The following TCF12 variants were observed in gnomAD, a reference collection of about 807,000 sequenced individuals.
TCF12 encodes the protein transcription factor 12.
In TCF12, 45 loss-of-function variants were observed where a neutral mutation model predicts 86.0. The ratio of observed to expected loss-of-function variants is 0.52; its 90% confidence interval spans 0.41 to 0.67. The LOEUF (loss-of-function observed/expected upper bound fraction) is 0.67. TCF12 is among the 30% of genes least tolerant of loss of function. TCF12 has a pLI of 0.00. For synonymous variants in TCF12, 330 were observed against 299.6 expected (o/e 1.10, Z -1.05); for missense variants, 881 against 859.9 (o/e 1.02, Z -0.31).
chr15:57,197,281 C>T (rs901767897), intron 7 of TCF12, among the ~76,000 whole-genome samples: 3 of 150,958 alleles, frequency 2.0e-5, no homozygotes, highest in Admixed American at 6.6e-5. Context: ...CTCAACCTCC[C>T]GAGTCGCTGG....
At chr15:57,233,166 A>T (rs1232083304) in intron 11 of TCF12, among the ~76,000 whole-genome samples, 1 of 150,902 alleles carries the variant, frequency 6.6e-6, no homozygotes, top group Non-Finnish European at 1.5e-5. Flanking sequence ...GTGTGTGTAT[A>T]TATATGTATG....
intron 16 of TCF12, among the ~76,000 whole-genome samples, chr15:57,254,258 C>T (rs1354353382): frequency 6.6e-6 from 1 of 152,090 alleles, no homozygotes; most frequent in African/African-American, 2.4e-5. Flanking sequence ...TAAAAACTTA[C>T]CTATCATCAA....
intron 19 of TCF12, chr15:57,281,727 C>T (rs2061700339): frequency 6.6e-6 from 1 of 152,380 alleles, no homozygotes; most frequent in Admixed American, 6.5e-5. Flanking sequence ...TCATTCTGTC[C>T]CATCACCCCC....
chr15:57,136,995 T>C (rs2447324), intron 5 of TCF12, among the ~76,000 whole-genome samples: 1 of 103,912 alleles, frequency 9.6e-6, no homozygotes, highest in Non-Finnish European at 1.8e-5. Flanking sequence ...TTTTTTTTTT[T>C]TTGAGACGGA....
At chr15:57,248,670 TCAG>T (rs1423033126) in intron 13 of TCF12, among the ~76,000 whole-genome samples, 11 of 152,236 alleles carry the variant, frequency 7.2e-5, no homozygotes, top group African/African-American at 2.4e-4. Flanking sequence ...TTACCTGACT[TCAG>T]CATGCTTTAA....
chr15:56,981,936 G>A (rs146332248), intron 3 of TCF12, among the ~76,000 whole-genome samples: 10 of 152,060 alleles, frequency 6.6e-5, no homozygotes, highest in African/African-American at 2.4e-4. Flanking sequence ...AGGTGGAAGG[G>A]GCAGAAGAGG....
chr15:57,063,691 C>G (rs1450353911), intron 3 of TCF12, 59 bp from the exon 4 acceptor site: 1 of 1,486,680 alleles, frequency 6.7e-7, no homozygotes, highest in Non-Finnish European at 9.3e-7. Flanking sequence ...CTGTCCCGTA[C>G]CAAAAAAATC....
At chr15:56,937,112 G>A (rs2060502883) in intron 3 of TCF12, among the ~76,000 whole-genome samples, 1 of 152,062 alleles carries the variant, frequency 6.6e-6, no homozygotes, top group African/African-American at 2.4e-5. Context: ...TGTGAGCATG[G>A]GTTGTGTTCC....
intron 13 of TCF12, among the ~76,000 whole-genome samples, chr15:57,249,583 T>G (rs2151999638): frequency 1.3e-5 from 2 of 152,296 alleles, no homozygotes; most frequent in African/African-American, 4.8e-5. Context: ...ATGAATACAC[T>G]TACTACATTG....
At chr15:57,261,235 A>G (rs141939513) in intron 16 of TCF12, among the ~76,000 whole-genome samples, 2 of 152,302 alleles carry the variant, frequency 1.3e-5, no homozygotes, top group East Asian at 3.9e-4. Flanking sequence ...AAAAATAAAG[A>G]TGAGAATAAG....
At chr15:57,012,653 C>T (rs753730558) in intron 3 of TCF12, among the ~76,000 whole-genome samples, 7 of 152,176 alleles carry the variant, frequency 4.6e-5, no homozygotes, top group Non-Finnish European at 1.0e-4. Flanking sequence ...GATTCGGTTC[C>T]AGTGACATCC....
At chr15:57,266,431 A>G (rs1403457433) in intron 18 of TCF12, among the ~76,000 whole-genome samples, 4 of 151,964 alleles carry the variant, frequency 2.6e-5, no homozygotes, top group South Asian at 4.1e-4. Flanking sequence ...TCATTTATCC[A>G]TTGTCTGTGG....
chr15:57,085,835 T>C (rs2048587545), intron 4 of TCF12, among the ~76,000 whole-genome samples: 1 of 152,210 alleles, frequency 6.6e-6, no homozygotes, highest in Non-Finnish European at 1.5e-5. Flanking sequence ...TTTGGCCGAT[T>C]CTTCTGGCTT....
At position 56,984,277 on chromosome 15, in the gene TCF12, TG is replaced by T. The variant is rs1235689314; in HGVS notation, c.148+63180del. ...GTGTGTGTGTGTGTGTGTGTGTGTG[TG>T]TGTGTGTGTGTGTGTGAAGGGTGGA... On this transcript the variant is annotated intron_variant, in intron 3 of 20. Transcript: ENST00000333725. Among the ~76,000 whole-genome samples, 450 of 150,480 alleles carry T rather than the reference TG, an allele frequency of 3.0e-3. 1 individual carries two copies. Among genetic ancestry groups the T allele is most frequent in the African/African-American group, 0.011 (433 of 40,870 alleles).
At chr15:57,164,599 G>T (rs992870553) in intron 5 of TCF12, among the ~76,000 whole-genome samples, 2 of 152,162 alleles carry the variant, frequency 1.3e-5, no homozygotes, top group African/African-American at 4.8e-5. Context: ...GGGATTATGG[G>T]ATCTACAATT....
At chr15:57,267,823 A>T (rs1000857323) in intron 18 of TCF12, among the ~76,000 whole-genome samples, 1 of 152,216 alleles carries the variant, frequency 6.6e-6, no homozygotes. Flanking sequence ...TTGTGGTTCC[A>T]TTACATACTT....
chr15:57,001,074 T>G (rs2064005038), intron 3 of TCF12, among the ~76,000 whole-genome samples: 1 of 148,466 alleles, frequency 6.7e-6, no homozygotes, highest in African/African-American at 2.5e-5. Context: ...TGGAGTGCAG[T>G]GGCGCGATCT....
chr15:56,969,793 G>A (rs901703143), intron 3 of TCF12, among the ~76,000 whole-genome samples: 2 of 152,166 alleles, frequency 1.3e-5, no homozygotes, highest in Non-Finnish European at 2.9e-5. Context: ...CATCTGAATA[G>A]ATAATGCAAA....
intron 17 of TCF12, among the ~76,000 whole-genome samples, chr15:57,262,663 G>C (rs1236898788): frequency 6.6e-6 from 1 of 152,148 alleles, no homozygotes; most frequent in East Asian, 1.9e-4. Context: ...GAGCTTACAA[G>C]TAAGTGTGAA....
Sources: gnomAD v4.1 joint callset for allele counts (sites outside exome capture counted in the v4.1 genomes callset) on GRCh38, gnomAD v4.1.1 for gene constraint, MANE v1.5 for transcripts, NCBI Gene and HGNC (gene_info 2026-07-23, HGNC 2026-07-21) for gene names.